MERTK: variants seen among roughly 807,000 people sequenced by gnomAD.
MERTK encodes the protein tyrosine-protein kinase Mer.
MERTK carries 69 observed loss-of-function variants against 99.3 expected under a neutral mutation model. The ratio of observed to expected loss-of-function variants is 0.70; its 90% CI spans 0.57 to 0.85. The LOEUF is 0.85. MERTK is among the 40% of genes least tolerant of loss of function. MERTK has a pLI of 0.00. For synonymous variants in MERTK, 426 were observed against 467.6 expected (o/e 0.91, Z 1.15); for missense variants, 1,125 against 1,249.4 (o/e 0.90, Z 1.50).
intron 16 of MERTK, chr2:112,020,595 T>C (rs1203906165): frequency 2.1e-6 from 1 of 470,984 alleles, no homozygotes; most frequent in Admixed American, 2.3e-5. Context: ...TCTCATTTAA[T>C]TCCTCAAGCA....
chr2:111,970,026 G>GC (rs1553452929), intron 6 of MERTK, among the ~76,000 whole-genome samples: 5 of 151,480 alleles, frequency 3.3e-5, no homozygotes, highest in African/African-American at 1.2e-4. Flanking sequence ...TTTGTTTTTT[G>GC]TTTTTTTTCC....
rs775906559 is a variant in MERTK, at chr2:111,983,010, G to C, written c.1296+17G>C. 6.2e-7 allele frequency: 1 copy of C among 1,603,388 alleles called. No homozygotes were observed. Among genetic ancestry groups the C allele is most frequent in the Admixed American group, 1.7e-5 (1 of 58,456 alleles). On this transcript the variant is annotated intron_variant, in intron 8 of 18. Coordinates refer to ENST00000295408, the MANE Select transcript of MERTK (RefSeq NM_006343.3). ...GGGATTTCCGTAAGTCTAAACCCTA[G>C]AAGAGCACGATTAGTCATCTCCTTT...
At position 112,019,486 on chromosome 2, in the gene MERTK, A is replaced by G. The variant is rs752742185; in HGVS notation, c.2153A>G (p.Asn718Ser). The G allele has an allele frequency of 1.9e-6, 3 of 1,613,888 alleles. No homozygotes were observed. Among genetic ancestry groups the G allele is most frequent in the Admixed American group, 1.7e-5 (1 of 60,022 alleles). Reference sequence around the variant, plus strand: ...GGAATGGAGTATCTGAGCAACAGGAATTTTCTTCATCGAGATTTAGCTGCT... The same window carrying G: ...GGAATGGAGTATCTGAGCAACAGGAGTTTTCTTCATCGAGATTTAGCTGCT... Reference protein sequence around the residue: ...ALGMEYLSNRNFLHRDLAARN... With the variant: ...ALGMEYLSNRSFLHRDLAARN... Residue 718 changes from asparagine (N) to serine (S), a missense_variant, in exon 16 of 19, where the codon AAT becomes AGT. Physicochemically the swap from Asn to Ser is conservative, Grantham distance 46 (BLOSUM62 1). Transcript: ENST00000295408.
intron 14 of MERTK, 108 bp from the exon 15 acceptor site, chr2:112,009,840 C>A: frequency 1.2e-6 from 1 of 863,204 alleles, no homozygotes; most frequent in Non-Finnish European, 2.0e-6. Context: ...TTTTTTCAAA[C>A]TGTTAACTTG....
intron 6 of MERTK, 71 bp downstream of exon 6, chr2:111,968,323 C>T: frequency 7.9e-7 from 1 of 1,267,880 alleles, no homozygotes; most frequent in Non-Finnish European, 1.2e-6. Context: ...TTTCTTCCTT[C>T]CAAGGATGGG....
chr2:111,923,839 A>C (rs1434666620), intron 1 of MERTK, among the ~76,000 whole-genome samples: 3 of 152,248 alleles, frequency 2.0e-5, no homozygotes, highest in African/African-American at 7.2e-5. Context: ...TACGTTATAC[A>C]ACCAAAGTAA....
chr2:111,944,923 A>G (rs2104702541), intron 2 of MERTK, 37 bp from the exon 3 acceptor site: 2 of 1,526,278 alleles, frequency 1.3e-6, no homozygotes, highest in East Asian at 4.5e-5. Flanking sequence ...CTCAAAGGGT[A>G]GTCACTGTAA....
At chr2:112,024,915 G>C (rs991828773) in intron 18 of MERTK, 6 of 154,380 alleles carry the variant, frequency 3.9e-5, no homozygotes, top group African/African-American at 1.4e-4. Flanking sequence ...GGGAAACAGA[G>C]CAAGATCCTG....
chr2:111,992,156 C>A (rs1451582993), intron 8 of MERTK, among the ~76,000 whole-genome samples: 1 of 152,148 alleles, frequency 6.6e-6, no homozygotes, highest in Non-Finnish European at 1.5e-5. Context: ...GAAGGAGCCA[C>A]GCACAGAGAG....
chr2:112,014,829 G>C (rs889860519), intron 15 of MERTK, among the ~76,000 whole-genome samples: 5 of 151,844 alleles, frequency 3.3e-5, no homozygotes, highest in African/African-American at 1.2e-4. Flanking sequence ...ACTAGAGACG[G>C]GGTTTCACCA....
intron 3 of MERTK, among the ~76,000 whole-genome samples, chr2:111,945,790 A>T (rs545863345): frequency 1.6e-4 from 24 of 152,346 alleles, no homozygotes; most frequent in African/African-American, 5.8e-4. Flanking sequence ...CAGTGCTGCA[A>T]GGAGGAAGCA....
At chr2:112,016,447 A>G (rs1465919623) in intron 15 of MERTK, among the ~76,000 whole-genome samples, 3 of 152,204 alleles carry the variant, frequency 2.0e-5, no homozygotes, top group African/African-American at 7.2e-5. Flanking sequence ...TTTTATTCAG[A>G]TCTTTTCTTT....
At chr2:111,930,909 C>T (rs1288910097) in intron 2 of MERTK, among the ~76,000 whole-genome samples, 3 of 152,222 alleles carry the variant, frequency 2.0e-5, no homozygotes, top group East Asian at 3.9e-4. Flanking sequence ...GACTTCGTTG[C>T]GTGCACAGTT....
intron 1 of MERTK, among the ~76,000 whole-genome samples, chr2:111,921,496 C>T (rs972956909): frequency 8.3e-5 from 8 of 95,852 alleles, no homozygotes; most frequent in African/African-American, 1.7e-4. Flanking sequence ...GACTAAGACG[C>T]GATCTCAAAA....
At chr2:112,018,656 A>C (rs1053860882) in intron 15 of MERTK, among the ~76,000 whole-genome samples, 3 of 152,162 alleles carry the variant, frequency 2.0e-5, no homozygotes, top group Non-Finnish European at 1.5e-5. Context: ...CTGCAGGGCC[A>C]TGATTGCACT....
At chr2:112,017,086 TG>T (rs1314994616) in intron 15 of MERTK, among the ~76,000 whole-genome samples, 1 of 152,232 alleles carries the variant, frequency 6.6e-6, no homozygotes, top group Non-Finnish European at 1.5e-5. Context: ...CACTGCTGGC[TG>T]GGGGTGGCCA....
chr2:111,915,569 T>A (rs1573567228), intron 1 of MERTK, among the ~76,000 whole-genome samples: 1 of 59,530 alleles, frequency 1.7e-5, no homozygotes, highest in South Asian at 7.3e-4. Flanking sequence ...AACGTATTTT[T>A]TAAAATTTTT....
At chr2:111,933,977 G>T (rs1684721491) in intron 2 of MERTK, among the ~76,000 whole-genome samples, 1 of 151,186 alleles carries the variant, frequency 6.6e-6, no homozygotes, top group African/African-American at 2.4e-5. Flanking sequence ...GCAATATTTG[G>T]TTTTCTGTTC....
intron 1 of MERTK, among the ~76,000 whole-genome samples, chr2:111,924,605 C>T (rs987641822): frequency 7.2e-5 from 11 of 152,208 alleles, no homozygotes; most frequent in African/African-American, 2.7e-4. Context: ...GAATCCCCCT[C>T]ATCAAGCCTA....
Sources: gnomAD v4.1 joint callset for allele counts (sites outside exome capture counted in the v4.1 genomes callset) on GRCh38, gnomAD v4.1.1 for gene constraint, MANE v1.5 for transcripts, NCBI Gene and HGNC (gene_info 2026-07-23, HGNC 2026-07-21) for gene names.